Variants in OAS2 observed in about 807,000 individuals in gnomAD.
OAS2 encodes 2'-5'-oligoadenylate synthase 2.
In OAS2, 67 loss-of-function variants were observed where a neutral mutation model predicts 71.3. The ratio of observed to expected loss-of-function variants is 0.94; its 90% CI spans 0.77 to 1.15. The LOEUF (loss-of-function observed/expected upper bound fraction) is 1.15. Among genes scored for constraint, OAS2 ranks in the 50% most tolerant of loss-of-function variants. OAS2 has a pLI of 0.00. For synonymous variants in OAS2, 327 were observed against 321.8 expected (o/e 1.02, Z -0.17); for missense variants, 789 against 822.5 (o/e 0.96, Z 0.50).
intron 2 of OAS2, among the ~76,000 whole-genome samples, chr12:112,994,021 AAAG>A (rs1254556814): frequency 6.6e-6 from 1 of 152,052 alleles, no homozygotes; most frequent in African/African-American, 2.4e-5. Context: ...TTCTGATCTT[AAAG>A]CTTGAAACTT....
chr12:113,003,787 G>A (rs2044309006), intron 6 of OAS2, among the ~76,000 whole-genome samples: 1 of 152,206 alleles, frequency 6.6e-6, no homozygotes, highest in African/African-American at 2.4e-5. Flanking sequence ...AAGAAGGGAA[G>A]GAGGAAAATG....
At position 112,997,615 on chromosome 12, in the gene OAS2, C is replaced by T. The variant is rs1187054040; in HGVS notation, c.723C>T (p.Asn241=). ...YAWEQGCRKD[N]FDIAEGVRTV... Reference sequence around the variant, plus strand: ...GGGAACAGGGGTGCAGAAAAGACAACTTTGACATTGCTGAAGGCGTCAGAA... The same window carrying T: ...GGGAACAGGGGTGCAGAAAAGACAATTTTGACATTGCTGAAGGCGTCAGAA... The change falls in exon 4 of 10, where the codon AAC becomes AAT. Residue 241 remains asparagine (N), a synonymous_variant. Coordinates refer to ENST00000392583, the MANE Select transcript of OAS2 (RefSeq NM_002535.3). The T allele has an allele frequency of 1.2e-6, 2 of 1,614,138 alleles. No individual in the cohort carries two copies. Among genetic ancestry groups the T allele is most frequent in the African/African-American group, 1.3e-5 (1 of 75,048 alleles).
In OAS2 at chr12:113,011,142, A is replaced by G. The variant is rs2044377786; in HGVS notation, c.*1887A>G. 1 of 152,266 alleles carries G rather than the reference A, an allele frequency of 6.6e-6. No homozygotes were observed. Among genetic ancestry groups the G allele is most frequent in the African/African-American group, 2.4e-5 (1 of 41,456 alleles). The allele number at this position is 152,266 out of a possible 1,614,324, so 9.4% of individuals were successfully genotyped here. ...AGATACTTGAAGGTCTAGGTGCTTT[A>G]ACCTCACATACCCTCACTTAAACTT... On this transcript the variant is annotated 3_prime_UTR_variant, in exon 10 of 10. Coordinates refer to ENST00000392583, the MANE Select transcript of OAS2 (RefSeq NM_002535.3).
rs2044336817 is a variant in OAS2 at position 113,006,559 on chromosome 12, C to T, written c.1615C>T (p.Leu539=). The change falls in exon 8 of 10, where the codon CTA becomes TTA. Residue 539 remains leucine (L), a synonymous_variant. Coordinates refer to ENST00000392583, the MANE Select transcript of OAS2 (RefSeq NM_002535.3). ...CTTCATTCGCTCCCGGCCCACCAAA[C>T]TAAAGGATTTAATTCGCCTGGTGAA... The part of the protein sequence containing the change: ...RNFIRSRPTK[L]KDLIRLVKHW... The T allele has an allele frequency of 6.2e-7, 1 of 1,611,660 alleles. No homozygotes were observed. Among genetic ancestry groups the T allele is most frequent in the Non-Finnish European group, 8.5e-7 (1 of 1,178,332 alleles).
intron 2 of OAS2, among the ~76,000 whole-genome samples, chr12:112,990,623 TC>T (rs2044182667): frequency 6.6e-6 from 1 of 152,246 alleles, no homozygotes; most frequent in African/African-American, 2.4e-5. Context: ...TGTGAATTTT[TC>T]CACAGGACAC....
intron 2 of OAS2, among the ~76,000 whole-genome samples, chr12:112,991,751 G>A (rs776155446): frequency 2.6e-5 from 4 of 152,152 alleles, no homozygotes; most frequent in Non-Finnish European, 5.9e-5. Context: ...CCCTTTAACC[G>A]AGTGATTTTG....
At chr12:113,006,626 T>C (rs2044337756) in intron 8 of OAS2, 26 bp downstream of exon 8, 2 of 1,501,560 alleles carry the variant, frequency 1.3e-6, no homozygotes, top group Non-Finnish European at 1.8e-6. Flanking sequence ...GTTCTGACCA[T>C]GGGGTTATTA....
chr12:113,008,008 G>T, intron 9 of OAS2, 65 bp downstream of exon 9: 1 of 1,177,896 alleles, frequency 8.5e-7, no homozygotes, highest in Non-Finnish European at 1.3e-6. Context: ...TCAGCAACCT[G>T]GATTTTCCTC....
rs1192089049 is a variant in OAS2 at position 112,995,354 on chromosome 12, G to T, written c.507G>T (p.Lys169Asn). Residue 169 changes from lysine (K) to asparagine (N), a missense_variant, in exon 3 of 10, where the codon AAG becomes AAT. By Grantham distance (94) the Lys-to-Asn change is moderately conservative (BLOSUM62 0). Coordinates refer to ENST00000392583, the MANE Select transcript of OAS2 (RefSeq NM_002535.3). The stretch of plus-strand genomic sequence containing the variant: ...GAGAGCTCAAAAGATCCTTGGATAA[G>T]ACAAATGCCAGTCCTGGTGAGTTTG... Reference protein sequence around the residue: ...IYRELKRSLDKTNASPGEFAV... With the variant: ...IYRELKRSLDNTNASPGEFAV... 6.2e-7 allele frequency: 1 copy of T among 1,613,996 alleles called. No homozygotes were observed. Among genetic ancestry groups the T allele is most frequent in the Non-Finnish European group, 8.5e-7 (1 of 1,180,010 alleles).
At position 113,008,441 on chromosome 12, in the gene OAS2, G is replaced by T. The variant is rs1040372498; in HGVS notation, c.1895+498G>T. ...TAAGAGAGAAGGAGACCCCCGGTGGGTTGCCTACCCTGGGTTCTTGGCAAC... is the reference window on the plus strand; with the variant it reads ...TAAGAGAGAAGGAGACCCCCGGTGGTTTGCCTACCCTGGGTTCTTGGCAAC... On this transcript the variant is annotated intron_variant, in intron 9 of 9. Transcript: ENST00000392583. 2.0e-5 allele frequency among the ~76,000 whole-genome samples: 3 copies of T among 152,056 alleles called. No individual in the cohort carries two copies. The East Asian group carries it at 5.8e-4, about 29-fold the overall frequency.
At chr12:113,008,043 G>A (rs1163563702) in intron 9 of OAS2, 100 bp downstream of exon 9, 2 of 842,438 alleles carry the variant, frequency 2.4e-6, no homozygotes, top group African/African-American at 1.7e-5. Flanking sequence ...TTCATTCCTT[G>A]CATGACGGGG....
At chr12:112,988,422 C>G (rs2044160778) in intron 2 of OAS2, 1 of 302,486 alleles carries the variant, frequency 3.3e-6, no homozygotes, top group African/African-American at 2.3e-5. Flanking sequence ...AACAGCCAGA[C>G]TGGTTATAGC....
In OAS2 at chr12:112,978,851, C is replaced by G. The variant is rs1315110654; in HGVS notation, c.177+66C>G. On this transcript the variant is annotated intron_variant, in intron 1 of 9. Coordinates refer to ENST00000392583, the MANE Select transcript of OAS2 (RefSeq NM_002535.3). This position sits in a 1 kb window ranked among gnomAD's most constrained non-coding sequence, Gnocchi z 4.2. ...ATTCCACGGCGGCAGCAAGGCCGAG[C>G]TACTGGGTGCTGGGTGCCTATTATG... 1 of 1,487,390 alleles carries G rather than the reference C, an allele frequency of 6.7e-7. No individual in the cohort carries two copies. The highest frequency in any genetic ancestry group is 1.4e-5 in the African/African-American group (1 of 71,700). 92.1% of individuals were successfully genotyped at this position (1,487,390 alleles called of 1,614,324 possible). A position where few individuals can be genotyped will look rare whatever the true frequency, so the allele number is the denominator to read the frequency against.
At chr12:112,981,372 C>T (rs1293774) in intron 1 of OAS2, among the ~76,000 whole-genome samples, 116,215 of 152,044 alleles carry the variant, frequency 0.76, 45,059 homozygotes, top group East Asian at 0.91. Flanking sequence ...AACTCTTTAA[C>T]CCATTTTTAG....
intron 5 of OAS2, 23 bp downstream of exon 5, chr12:112,998,433 G>C (rs1168432159): frequency 6.2e-7 from 1 of 1,601,950 alleles, no homozygotes; most frequent in Non-Finnish European, 8.5e-7. Flanking sequence ...TCCAAATACA[G>C]GGTGTTTCAT....
intron 9 of OAS2, among the ~76,000 whole-genome samples, chr12:113,008,626 G>T (rs2044354739): frequency 6.6e-6 from 1 of 151,946 alleles, no homozygotes; most frequent in African/African-American, 2.4e-5. Context: ...TTTGGTTTTG[G>T]CTTTTGTTTT....
intron 7 of OAS2, 105 bp downstream of exon 7, chr12:113,005,327 C>T (rs1264162315): frequency 1.8e-6 from 2 of 1,140,228 alleles, no homozygotes; most frequent in East Asian, 2.4e-5. Flanking sequence ...ACTCATGGGT[C>T]CCTGGCCCCA....
At chr12:112,990,025 C>G (rs1021556270) in intron 2 of OAS2, among the ~76,000 whole-genome samples, 11 of 152,160 alleles carry the variant, frequency 7.2e-5, no homozygotes, top group Non-Finnish European at 1.5e-4. Context: ...TAATTGTCTC[C>G]CTGCCTCCTG....
chr12:112,998,777 G>A lies in OAS2; in HGVS notation c.1008+367G>A, dbSNP rs112158198. ...TTCACATCACCTTCCCTCTGTGCAT[G>A]TCTGTCTTATCATCTCCTCTTCTTC... On this transcript the variant is annotated intron_variant, in intron 5 of 9. Transcript: ENST00000392583. Among the ~76,000 whole-genome samples the A allele has an allele frequency of 2.3e-3, 351 of 152,236 alleles. 5 individuals are homozygous for A. The highest frequency in any genetic ancestry group is 7.5e-3 in the African/African-American group (313 of 41,548).
Sources: gnomAD v4.1 joint callset for allele counts (sites outside exome capture counted in the v4.1 genomes callset) on GRCh38, gnomAD v4.1.1 for gene constraint, Gnocchi (gnomAD v3.1) non-coding constraint, MANE v1.5 for transcripts, NCBI Gene and HGNC (gene_info 2026-07-23, HGNC 2026-07-21) for gene names.